The following PDCD2L variants were observed in gnomAD, a reference collection of about 807,000 sequenced individuals.
The protein encoded by PDCD2L is uS5 assembly chaperone PDCD2L.
In PDCD2L, 44 loss-of-function variants were observed where a neutral mutation model predicts 40.4. The ratio of observed to expected loss-of-function variants is 1.09; its 90% CI spans 0.86 to 1.40. The LOEUF is 1.40. Ranked by LOEUF, PDCD2L falls within the 40% of genes most tolerant of loss-of-function variation. The pLI, the probability that PDCD2L is intolerant of heterozygous loss-of-function variation, is 0.00. For synonymous variants in PDCD2L, 194 were observed against 174.6 expected (o/e 1.11, Z -0.88); for missense variants, 470 against 453.7 (o/e 1.04, Z -0.33).
Position 34,404,635 on chromosome 19 carries a change from C to A in PDCD2L, c.109-14C>A. 6.2e-7 allele frequency: 1 copy of A among 1,608,524 alleles called. No individual in the cohort carries two copies. The highest frequency in any genetic ancestry group is 8.5e-7 in the Non-Finnish European group (1 of 1,178,808). ...GGGGGAGTCGGGGTCTGAGCGCCTC[C>A]TCTGTCCCCTCAGGATGCTCTGCCC... On this transcript the variant is annotated splice_polypyrimidine_tract_variant and intron_variant, in intron 1 of 6. Transcript: ENST00000246535.
At position 34,404,960 on chromosome 19, in the gene PDCD2L, G is replaced by C; in HGVS notation, c.306G>C (p.Gln102His). 6.2e-7 allele frequency: 1 copy of C among 1,614,224 alleles called. No homozygotes were observed. Among genetic ancestry groups the C allele is most frequent in the South Asian group, 1.1e-5 (1 of 91,084 alleles). The change falls in exon 3 of 7, where the codon CAG (glutamine) becomes CAC (histidine). Residue 102 changes from glutamine (Q) to histidine (H), a missense_variant. By Grantham distance (24) the Gln-to-His change is conservative. Coordinates refer to ENST00000246535, the MANE Select transcript of PDCD2L (RefSeq NM_032346.2). ...AGGTGTTCCGCTCCCAGTGCCTGCA[G>C]GTGCCAGAGAGAGAGGCGCAGGACG... ...SWKVFRSQCL[Q>H]VPEREAQDAQ...
intron 5 of PDCD2L, among the ~76,000 whole-genome samples, chr19:34,420,868 A>G (rs1272497498): frequency 6.6e-6 from 1 of 151,648 alleles, no homozygotes; most frequent in Admixed American, 6.6e-5. Context: ...CCTTTTTGGC[A>G]TCAGGGACTG....
At chr19:34,416,882 G>T (rs545349087) in intron 5 of PDCD2L, among the ~76,000 whole-genome samples, 1 of 152,096 alleles carries the variant, frequency 6.6e-6, no homozygotes, top group Non-Finnish European at 1.5e-5. Context: ...TTGGGAGGCC[G>T]AGGCGGGTGG....
chr19:34,413,291 C>T (rs981866423), intron 4 of PDCD2L, among the ~76,000 whole-genome samples: 2 of 150,318 alleles, frequency 1.3e-5, no homozygotes, highest in South Asian at 4.2e-4. Flanking sequence ...CTGCTCACCT[C>T]GGCCTCCCAA....
intron 3 of PDCD2L, among the ~76,000 whole-genome samples, chr19:34,406,417 G>C (rs899724352): frequency 2.5e-4 from 37 of 146,204 alleles, no homozygotes; most frequent in African/African-American, 9.1e-4. Flanking sequence ...ACGGAGTCTT[G>C]CTCTGTTGCC....
chr19:34,421,634 G>A lies in PDCD2L; in HGVS notation c.913G>A (p.Ala305Thr). 6.2e-7 allele frequency: 1 copy of A among 1,614,126 alleles called. No homozygotes were observed. The highest frequency in any genetic ancestry group is 2.2e-5 in the East Asian group (1 of 44,878). Residue 305 changes from alanine to threonine, a missense_variant, in exon 6 of 7, where the codon GCA (alanine) becomes ACA (threonine). Ala to Thr is a moderately conservative substitution (Grantham distance 58, BLOSUM62 0). Transcript: ENST00000246535. ...GATATTTGAGTTTCAGCTTATGCCA[G>A]CACTGGTCAGCATGCTCAAGAGTGC... ...QRIFEFQLMP[A>T]LVSMLKSANL... is the part of the protein sequence containing the mutation.
At chr19:34,404,893 G>A in intron 2 of PDCD2L, 37 bp from the exon 3 acceptor site, 1 of 1,612,808 alleles carries the variant, frequency 6.2e-7, no homozygotes, top group Non-Finnish European at 8.5e-7. Context: ...CTGGAGTCGG[G>A]GTGCAGCCCT....
rs1269233107 is a variant in PDCD2L at position 34,417,281 on chromosome 19, GC to G, written c.797+3438del. Reference sequence around the variant, plus strand: ...GAAATTGAATTGCTAAAGAAACCAAGCCCCATGACATTACATATCTAATACA... The same window carrying G: ...GAAATTGAATTGCTAAAGAAACCAAGCCCATGACATTACATATCTAATACA... On this transcript the variant is annotated intron_variant, in intron 5 of 6. Transcript: ENST00000246535. 2.0e-5 allele frequency among the ~76,000 whole-genome samples: 3 copies of G among 152,066 alleles called. No homozygotes were observed. The East Asian group carries it at 5.8e-4, about 29-fold the overall frequency.
In PDCD2L at chr19:34,412,743, G is replaced by A. The variant is rs1305837122; in HGVS notation, c.687-994G>A. On this transcript the variant is annotated intron_variant, in intron 4 of 6. Coordinates refer to ENST00000246535, the MANE Select transcript of PDCD2L (RefSeq NM_032346.2). ...AAAAAAAAAAAAAAATTACTTGACA[G>A]TTTTACAGTTTTTTAACTTTGACAG... is the stretch of plus-strand genomic sequence containing the variant. Among the ~76,000 whole-genome samples the A allele has an allele frequency of 2.7e-5, 4 of 149,060 alleles. No individual in the cohort carries two copies. In the East Asian group the frequency reaches 7.9e-4, roughly 29 times the overall value.
At chr19:34,418,446 A>G (rs1212175610) in intron 5 of PDCD2L, among the ~76,000 whole-genome samples, 3 of 151,774 alleles carry the variant, frequency 2.0e-5, no homozygotes, top group Non-Finnish European at 4.4e-5. Flanking sequence ...ATTCATTCTT[A>G]TTGCATGTAT....
chr19:34,421,321 T>G (rs558735538), intron 5 of PDCD2L, 198 bp from the exon 6 acceptor site: 3 of 631,980 alleles, frequency 4.7e-6, no homozygotes, highest in Admixed American at 2.5e-5. Flanking sequence ...GAACATTGAC[T>G]TTAGTGCCTT....
At chr19:34,411,963 C>CATATAT (rs74177146) in intron 4 of PDCD2L, among the ~76,000 whole-genome samples, 47,596 of 137,256 alleles carry the variant, frequency 0.35, 10,108 homozygotes, top group Admixed American at 0.49. Flanking sequence ...ATGAAAAATA[C>CATATAT]ATATATATAT....
In PDCD2L at chr19:34,421,692, G is replaced by A. The variant is rs1348140357; in HGVS notation, c.946+25G>A. On this transcript the variant is annotated intron_variant, in intron 6 of 6. Transcript: ENST00000246535. Reference sequence around the variant, plus strand: ...GGTGAGAAGCCCTTTATTAATTTGAGTTTGTGGATTTCTGGCATTATTTTT... The same window carrying A: ...GGTGAGAAGCCCTTTATTAATTTGAATTTGTGGATTTCTGGCATTATTTTT... The A allele has an allele frequency of 3.8e-6, 6 of 1,564,364 alleles. No homozygotes were observed. The Admixed American group carries it at 9.6e-5, about 25-fold the overall frequency.
intron 4 of PDCD2L, among the ~76,000 whole-genome samples, chr19:34,410,766 ATTTATTTATT>A (rs2075098770): frequency 6.7e-6 from 1 of 149,498 alleles, no homozygotes; most frequent in Non-Finnish European, 1.5e-5. Flanking sequence ...TTTATTTTTT[ATTTATTTATT>A]TATTTATTTA....
Position 34,404,811 on chromosome 19 carries a change from C to T in PDCD2L, c.271C>T (p.Arg91Cys). The change falls in exon 2 of 7, where the codon CGC becomes TGC. Residue 91 changes from arginine (R) to cysteine (C), a missense_variant. Physicochemically the swap from Arg to Cys is radical, Grantham distance 180. Transcript: ENST00000246535. ...CCCCGGCTGTAGCACCGGCGGTGCG[C>T]GCAGGTAGGCGGGGAAGTCCCAGAG... ...ACPGCSTGGA[R>C]SWKVFRSQCL... 1 of 1,602,874 alleles carries T rather than the reference C, an allele frequency of 6.2e-7. No homozygotes were observed. Among genetic ancestry groups the T allele is most frequent in the Non-Finnish European group, 8.5e-7 (1 of 1,176,402 alleles).
intron 4 of PDCD2L, among the ~76,000 whole-genome samples, chr19:34,413,297 C>CCCA (rs2075112442): frequency 6.6e-6 from 1 of 151,424 alleles, no homozygotes; most frequent in Non-Finnish European, 1.5e-5. Context: ...ACCTCGGCCT[C>CCCA]CCAAAGTGCT....
intron 5 of PDCD2L, 111 bp from the exon 6 acceptor site, chr19:34,421,408 G>A: frequency 2.3e-6 from 3 of 1,282,364 alleles, no homozygotes; most frequent in South Asian, 1.4e-5. Context: ...AGGTTTTTGG[G>A]CCTCTGGGAG....
intron 3 of PDCD2L, 54 bp downstream of exon 3, chr19:34,405,044 C>T: frequency 6.3e-7 from 1 of 1,596,370 alleles, no homozygotes; most frequent in South Asian, 1.1e-5. Flanking sequence ...GGATATTTTC[C>T]AGAGAATAGT....
intron 4 of PDCD2L, among the ~76,000 whole-genome samples, chr19:34,411,963 C>CATATATATATATAT (rs74177146): frequency 1.7e-3 from 236 of 137,640 alleles, no homozygotes; most frequent in Non-Finnish European, 2.5e-3. Context: ...ATGAAAAATA[C>CATATATATATATAT]ATATATATAT....
Sources: gnomAD v4.1 joint callset for allele counts (sites outside exome capture counted in the v4.1 genomes callset) on GRCh38, gnomAD v4.1.1 for gene constraint, MANE v1.5 for transcripts, NCBI Gene and HGNC (gene_info 2026-07-23, HGNC 2026-07-21) for gene names.